The following HADHB variants were observed in gnomAD, a reference collection of about 807,000 sequenced individuals.
HADHB encodes trifunctional enzyme subunit beta, mitochondrial.
HADHB carries 50 observed loss-of-function variants against 61.9 expected under a neutral mutation model. The ratio of observed to expected loss-of-function variants is 0.81; its 90% CI spans 0.64 to 1.02. The LOEUF is 1.02. Ranked by LOEUF, HADHB falls within the 50% of genes least tolerant of loss-of-function variation. The pLI, the probability that HADHB is intolerant of heterozygous loss-of-function variation, is 0.00. For synonymous variants in HADHB, 191 were observed against 201.6 expected (o/e 0.95, Z 0.45); for missense variants, 504 against 586.5 (o/e 0.86, Z 1.45).
intron 3 of HADHB, chr2:26,260,846 G>A (rs559357273): frequency 1.7e-6 from 1 of 600,856 alleles, no homozygotes; most frequent in Non-Finnish European, 3.0e-6. Flanking sequence ...CTTCATTCTG[G>A]CTGGCTTATT....
chr2:26,275,412 C>T (rs926910573), intron 6 of HADHB, among the ~76,000 whole-genome samples: 1 of 152,164 alleles, frequency 6.6e-6, no homozygotes, highest in South Asian at 2.1e-4. Context: ...CCTCCTTTTC[C>T]CTTAGTGCCC....
intron 5 of HADHB, 75 bp downstream of exon 5, chr2:26,270,072 A>G (rs918553986): frequency 1.0e-6 from 1 of 965,926 alleles, no homozygotes; most frequent in Non-Finnish European, 1.7e-6. Context: ...ATAAAATAGC[A>G]ATTTGTTCTT....
At chr2:26,279,853 TAATTATA>T in intron 9 of HADHB, 134 bp from the exon 10 acceptor site, 1 of 659,230 alleles carries the variant, frequency 1.5e-6, no homozygotes, top group Non-Finnish European at 2.7e-6. Context: ...GATAATATGA[TAATTATA>T]AAACACTTTC....
At chr2:26,261,211 TA>T (rs1671847818) in intron 3 of HADHB, 1 of 300,474 alleles carries the variant, frequency 3.3e-6, no homozygotes. Context: ...ACACAACAAA[TA>T]CCCCCCCCCC....
At chr2:26,246,616 C>G (rs894792459) in intron 1 of HADHB, among the ~76,000 whole-genome samples, 4 of 152,126 alleles carry the variant, frequency 2.6e-5, no homozygotes, top group East Asian at 1.9e-4. Context: ...GCTGGGATTA[C>G]AAGTGTGAGC....
chr2:26,280,853 CAAAAAAAAAAAAA>C lies in HADHB; in HGVS notation c.933+754_933+766del, dbSNP rs10560210. 6.1e-5 allele frequency among the ~76,000 whole-genome samples: 3 copies of C among 49,152 alleles called. No individual in the cohort carries two copies. The Admixed American group carries it at 9.6e-4, about 16-fold the overall frequency. 32.2% of individuals were successfully genotyped at this position (49,152 alleles called of 152,430 possible). A position where few individuals can be genotyped will look rare whatever the true frequency, so the allele number is the denominator to read the frequency against. ...CTGCACAAGAGCGAAACTCCCATCT[CAAAAAAAAAAAAA>C]AAAAAAAAAAAAAAAGGCATTTTGG... On this transcript the variant is annotated intron_variant, in intron 10 of 15. Transcript: ENST00000317799.
intron 3 of HADHB, among the ~76,000 whole-genome samples, chr2:26,255,284 G>C (rs1265012470): frequency 6.6e-6 from 1 of 152,116 alleles, no homozygotes; most frequent in Non-Finnish European, 1.5e-5. Flanking sequence ...TGGATGGCCT[G>C]AGGTCAGGAG....
chr2:26,250,045 C>T (rs1304801971), intron 1 of HADHB, among the ~76,000 whole-genome samples: 1 of 152,114 alleles, frequency 6.6e-6, no homozygotes, highest in Non-Finnish European at 1.5e-5. Flanking sequence ...CTCGCTCTGT[C>T]GCCCAGGCTG....
At chr2:26,253,807 T>G (rs533218923) in intron 1 of HADHB, among the ~76,000 whole-genome samples, 1 of 151,174 alleles carries the variant, frequency 6.6e-6, no homozygotes, top group East Asian at 1.9e-4. Context: ...GAACCGAGAT[T>G]GCACCACTGT....
At chr2:26,288,738 A>G (rs561387343) in intron 15 of HADHB, among the ~76,000 whole-genome samples, 2 of 152,210 alleles carry the variant, frequency 1.3e-5, no homozygotes, top group African/African-American at 2.4e-5. Flanking sequence ...AGTACTTAAC[A>G]GTTTGTTTTG....
chr2:26,289,774 A>G (rs767298044), intron 15 of HADHB, 144 bp from the exon 16 acceptor site: 4 of 752,072 alleles, frequency 5.3e-6, no homozygotes, highest in Non-Finnish European at 9.7e-6. Context: ...ACTGACTACA[A>G]ACTTTCCCAA....
At chr2:26,271,081 G>GA (rs1338065382) in intron 5 of HADHB, among the ~76,000 whole-genome samples, 2 of 145,252 alleles carry the variant, frequency 1.4e-5, no homozygotes, top group Non-Finnish European at 3.0e-5. Context: ...ATTTTTAGTA[G>GA]AGACGGGGTT....
Position 26,280,147 on chromosome 2 carries a change from G to A in HADHB, c.933+32G>A, listed in dbSNP as rs544554365. 214 of 1,573,896 alleles carry A rather than the reference G, an allele frequency of 1.4e-4. 1 individual carries two copies. The South Asian group carries it at 2.3e-3, about 17-fold the overall frequency. On this transcript the variant is annotated intron_variant, in intron 10 of 15. Transcript: ENST00000317799. Reference sequence around the variant, plus strand: ...GTCAATGTTATTTGTATTTAGTAGTGACTTTTCTATTTCTGTACTCTCTGT... The same window carrying A: ...GTCAATGTTATTTGTATTTAGTAGTAACTTTTCTATTTCTGTACTCTCTGT...
At chr2:26,270,178 T>C (rs1672279870) in intron 5 of HADHB, among the ~76,000 whole-genome samples, 181 bp downstream of exon 5, 1 of 152,232 alleles carries the variant, frequency 6.6e-6, no homozygotes, top group Non-Finnish European at 1.5e-5. Context: ...GACAGTATAC[T>C]TTAATGCTAC....
At chr2:26,289,788 C>A in intron 15 of HADHB, 130 bp from the exon 16 acceptor site, 1 of 773,162 alleles carries the variant, frequency 1.3e-6, no homozygotes, top group South Asian at 1.4e-5. Context: ...TTCCCAAGAT[C>A]ACAGTGATTG....
intron 15 of HADHB, among the ~76,000 whole-genome samples, chr2:26,288,504 T>A (rs1219447119): frequency 6.6e-6 from 1 of 151,462 alleles, no homozygotes; most frequent in Non-Finnish European, 1.5e-5. Context: ...AGCTCAGGAG[T>A]TCGAGACCAT....
chr2:26,251,549 C>T (rs1348025210), intron 1 of HADHB, among the ~76,000 whole-genome samples: 1 of 152,146 alleles, frequency 6.6e-6, no homozygotes, highest in African/African-American at 2.4e-5. Context: ...ATTTTCTTGA[C>T]AATTTTCATG....
chr2:26,255,498 CAAAA>C (rs61458894), intron 3 of HADHB, among the ~76,000 whole-genome samples: 14 of 76,372 alleles, frequency 1.8e-4, no homozygotes, highest in African/African-American at 6.4e-4. Context: ...GACTCCGGCT[CAAAA>C]AAAAAAAAAA....
Position 26,284,153 on chromosome 2 carries a change from A to G in HADHB, c.1098A>G (p.Ala366=), listed in dbSNP as rs748353295. 1.2e-6 allele frequency: 2 copies of G among 1,601,842 alleles called. No homozygotes were observed. The highest frequency in any genetic ancestry group is 1.1e-5 in the South Asian group (1 of 90,870). The change falls in exon 13 of 16, where the codon GCA becomes GCG. Residue 366 remains alanine, a synonymous_variant. Transcript: ENST00000317799. ...TYATPKVLEK[A]GLTMNDIDAF... ...CTACTCCAAAAGTTCTAGAAAAGGCAGGATTGACCATGAATGATATTGATG... is the reference window on the plus strand; with the variant it reads ...CTACTCCAAAAGTTCTAGAAAAGGCGGGATTGACCATGAATGATATTGATG...
Sources: allele counts gnomAD v4.1 joint callset (sites outside exome capture counted in the v4.1 genomes callset), GRCh38; gene constraint gnomAD v4.1.1; transcripts MANE v1.5; gene names NCBI Gene and HGNC (gene_info 2026-07-23, HGNC 2026-07-21).